The following EDIL3 variants were observed in gnomAD, a reference collection of about 807,000 sequenced individuals.
The protein encoded by EDIL3 is EGF like and discoidin domains 3.
EDIL3 carries 37 observed loss-of-function variants against 67.4 expected under a neutral mutation model. The ratio of observed to expected loss-of-function variants is 0.55; its 90% CI spans 0.42 to 0.72. EDIL3 has a LOEUF of 0.72. Among genes scored for constraint, EDIL3 ranks in the 30% least tolerant of loss-of-function variants. The pLI, the probability that EDIL3 is intolerant of heterozygous loss-of-function variation, is 0.00. For missense variants in EDIL3, 527 were observed against 586.3 expected (o/e 0.90, Z 1.04); for synonymous variants, 195 against 196.3 (o/e 0.99, Z 0.05).
intron 1 of EDIL3, among the ~76,000 whole-genome samples, chr5:84,268,511 T>C (rs1324084785): frequency 1.3e-5 from 2 of 152,236 alleles, no homozygotes; most frequent in Non-Finnish European, 2.9e-5. Flanking sequence ...TCTAATGATA[T>C]GAACTACTTC....
At chr5:84,144,000 A>G (rs994898851) in intron 4 of EDIL3, among the ~76,000 whole-genome samples, 5 of 152,096 alleles carry the variant, frequency 3.3e-5, no homozygotes, top group African/African-American at 4.8e-5. Context: ...ATGGGATTCT[A>G]TTAAGGAAAA....
At chr5:84,086,921 T>C (rs1213183619) in intron 6 of EDIL3, among the ~76,000 whole-genome samples, 1 of 152,026 alleles carries the variant, frequency 6.6e-6, no homozygotes, top group African/African-American at 2.4e-5. Context: ...CCTGGAAGGA[T>C]GGAGGCAGGG....
At chr5:84,207,946 A>T (rs1439629471) in intron 3 of EDIL3, among the ~76,000 whole-genome samples, 3 of 152,224 alleles carry the variant, frequency 2.0e-5, no homozygotes, top group Non-Finnish European at 4.4e-5. Flanking sequence ...TAAAAACCCG[A>T]GAAGAAAACC....
intron 1 of EDIL3, among the ~76,000 whole-genome samples, chr5:84,337,567 G>A (rs1747015737): frequency 6.6e-6 from 1 of 152,068 alleles, no homozygotes; most frequent in Non-Finnish European, 1.5e-5. Context: ...CATACCCAGA[G>A]CATGGCTCTA....
chr5:84,027,641 A>G (rs1172234648), intron 9 of EDIL3, among the ~76,000 whole-genome samples: 2 of 122,358 alleles, frequency 1.6e-5, no homozygotes, highest in African/African-American at 5.8e-5. Flanking sequence ...GACACTTTGA[A>G]GGGGAATCTG....
intron 1 of EDIL3, among the ~76,000 whole-genome samples, chr5:84,332,697 T>C (rs571271553): frequency 1.1e-3 from 164 of 152,296 alleles, no homozygotes; most frequent in Non-Finnish European, 2.0e-3. Flanking sequence ...GCTGACATTA[T>C]GGTTGTGTGG....
At position 84,121,035 on chromosome 5, in the gene EDIL3, T is replaced by C. The variant is rs143772930; in HGVS notation, c.470-14205A>G. Among the ~76,000 whole-genome samples the C allele has an allele frequency of 2.0e-4, 31 of 152,052 alleles. No individual in the cohort carries two copies. In the East Asian group the frequency reaches 5.6e-3, roughly 28 times the overall value. On this transcript the variant is annotated intron_variant, in intron 5 of 10. Coordinates refer to ENST00000296591, the MANE Select transcript of EDIL3 (RefSeq NM_005711.5). ...TAAAATGAAAAGTAAATCAGGCTGT[T>C]TTAATGATTTAGAATTATATTGTGC...
At chr5:84,278,920 A>G (rs1257289378) in intron 1 of EDIL3, among the ~76,000 whole-genome samples, 2 of 152,086 alleles carry the variant, frequency 1.3e-5, no homozygotes, top group African/African-American at 4.8e-5. Context: ...AATTTAAGGG[A>G]TACAGGCTTT....
At chr5:83,980,145 A>G (rs1744944328) in intron 9 of EDIL3, among the ~76,000 whole-genome samples, 1 of 152,112 alleles carries the variant, frequency 6.6e-6, no homozygotes, top group Non-Finnish European at 1.5e-5. Context: ...TCAATTACTT[A>G]CAAACATTTT....
At chr5:84,144,960 T>C (rs921034606) in intron 4 of EDIL3, among the ~76,000 whole-genome samples, 1 of 152,096 alleles carries the variant, frequency 6.6e-6, no homozygotes, top group African/African-American at 2.4e-5. Flanking sequence ...ATGATTCACA[T>C]AGCTTGACTT....
intron 5 of EDIL3, among the ~76,000 whole-genome samples, chr5:84,117,775 C>A (rs1747697890): frequency 6.6e-6 from 1 of 151,694 alleles, no homozygotes; most frequent in African/African-American, 2.4e-5. Context: ...AAGCTTTCAT[C>A]CTGCAAATGT....
chr5:84,067,173 T>TA (rs1368923656), intron 6 of EDIL3, among the ~76,000 whole-genome samples: 1 of 152,128 alleles, frequency 6.6e-6, no homozygotes. Flanking sequence ...GAGCATTTTT[T>TA]AAAAAAATTA....
intron 1 of EDIL3, among the ~76,000 whole-genome samples, chr5:84,331,244 T>C (rs975526897): frequency 2.0e-5 from 3 of 152,116 alleles, no homozygotes; most frequent in African/African-American, 7.2e-5. Context: ...AGTTAAGACT[T>C]TGGGAGACTG....
chr5:84,118,995 A>G (rs1325285269), intron 5 of EDIL3, among the ~76,000 whole-genome samples: 2 of 152,102 alleles, frequency 1.3e-5, no homozygotes, highest in African/African-American at 4.8e-5. Context: ...GGTTTGTTTC[A>G]TAAGTTTGAA....
At chr5:84,168,053 A>G (rs974195508) in intron 4 of EDIL3, among the ~76,000 whole-genome samples, 1 of 152,190 alleles carries the variant, frequency 6.6e-6, no homozygotes, top group African/African-American at 2.4e-5. Context: ...CAAACGATGC[A>G]TTGCCTTAAA....
At chr5:84,242,865 C>A (rs920575086) in intron 2 of EDIL3, among the ~76,000 whole-genome samples, 1 of 151,496 alleles carries the variant, frequency 6.6e-6, no homozygotes, top group Non-Finnish European at 1.5e-5. Context: ...AGTAACCCTC[C>A]CCATATGTGT....
chr5:83,998,103 C>T (rs1230102535), intron 9 of EDIL3, among the ~76,000 whole-genome samples: 1 of 152,158 alleles, frequency 6.6e-6, no homozygotes, highest in Non-Finnish European at 1.5e-5. Context: ...CTGTGCTAGG[C>T]TGGGAGCCCG....
chr5:84,011,082 A>T (rs912969711), intron 9 of EDIL3, among the ~76,000 whole-genome samples: 1 of 152,176 alleles, frequency 6.6e-6, no homozygotes, highest in Admixed American at 6.6e-5. Context: ...TAAACCTCTG[A>T]CTATAGCATA....
At chr5:84,320,002 G>C (rs552285553) in intron 1 of EDIL3, among the ~76,000 whole-genome samples, 1 of 152,020 alleles carries the variant, frequency 6.6e-6, no homozygotes, top group African/African-American at 2.4e-5. Context: ...GGCCTGTCAG[G>C]GGGTGGGTGC....
Sources: allele counts gnomAD v4.1 joint callset (sites outside exome capture counted in the v4.1 genomes callset), GRCh38; gene constraint gnomAD v4.1.1; transcripts MANE v1.5; gene names NCBI Gene and HGNC (gene_info 2026-07-23, HGNC 2026-07-21).